Variants in CNTN4 observed in about 807,000 individuals in gnomAD.
CNTN4 encodes contactin 4.
A neutral mutation model predicts 122.5 loss-of-function variants in CNTN4; 77 were observed. The ratio of observed to expected loss-of-function variants is 0.63; its 90% confidence interval spans 0.52 to 0.76. CNTN4 has a LOEUF of 0.76. Ranked by LOEUF, CNTN4 falls within the 30% of genes least tolerant of loss-of-function variation. The probability of loss-of-function intolerance (pLI) is 0.00; values close to 1 mark genes in which losing one functional copy is unlikely to be tolerated. For synonymous variants in CNTN4, 512 were observed against 447.0 expected (o/e 1.15, Z -1.83); for missense variants, 1,256 against 1,259.1 (o/e 1.00, Z 0.04).
At chr3:2,692,253 T>C (rs2085780736) in intron 4 of CNTN4, among the ~76,000 whole-genome samples, 2 of 152,334 alleles carry the variant, frequency 1.3e-5, no homozygotes, top group African/African-American at 4.8e-5. Flanking sequence ...AAGAAGCAGC[T>C]TTGCTTCTAA....
At chr3:2,499,542 G>A (rs995272819) in intron 3 of CNTN4, among the ~76,000 whole-genome samples, 1 of 151,984 alleles carries the variant, frequency 6.6e-6, no homozygotes, top group Admixed American at 6.6e-5. Context: ...AAACTTGGGT[G>A]GATTTGTATT....
At chr3:2,832,834 A>G (rs2093132923) in intron 7 of CNTN4, among the ~76,000 whole-genome samples, 1 of 152,246 alleles carries the variant, frequency 6.6e-6, no homozygotes, top group African/African-American at 2.4e-5. Context: ...CGTGCAGTCA[A>G]TTTATAGAAA....
intron 2 of CNTN4, among the ~76,000 whole-genome samples, chr3:2,113,568 C>T (rs551813519): frequency 5.3e-5 from 8 of 152,146 alleles, no homozygotes; most frequent in Admixed American, 3.9e-4. Flanking sequence ...TTCCCTGCTA[C>T]GAAGCCTAAA....
chr3:2,598,177 T>C (rs2616591), intron 4 of CNTN4, among the ~76,000 whole-genome samples: 55,133 of 152,104 alleles, frequency 0.36, 10,441 homozygotes, highest in South Asian at 0.53. Context: ...GTATCAAACA[T>C]GATTGCTCTT....
intron 14 of CNTN4, among the ~76,000 whole-genome samples, chr3:3,003,394 C>CTA (rs1271900690): frequency 2.0e-5 from 3 of 151,978 alleles, no homozygotes; most frequent in Admixed American, 6.6e-5. Context: ...ATACAATGGA[C>CTA]TATTATTCAG....
rs138625814 is a variant in CNTN4, at chr3:2,269,897, AGTTTGTTTGTTT to A, written c.-144-69272_-144-69261del. Among the ~76,000 whole-genome samples the A allele has an allele frequency of 2.8e-3, 192 of 68,868 alleles. 60 individuals carry two copies. The Middle Eastern group carries it at 0.032, about 11-fold the overall frequency. 45.2% of individuals were successfully genotyped at this position (68,868 alleles called of 152,430 possible). A position where few individuals can be genotyped will look rare whatever the true frequency, so the allele number is the denominator to read the frequency against. ...CCCCCGCCCATCCCCTATTATAGCC[AGTTTGTTTGTTT>A]GTTTGTTTATTTATTTATTTATTTA... On this transcript the variant is annotated intron_variant, in intron 2 of 24. Transcript: ENST00000418658.
chr3:2,746,236 A>C (rs1030174079), intron 6 of CNTN4, among the ~76,000 whole-genome samples: 2 of 152,228 alleles, frequency 1.3e-5, no homozygotes, highest in Non-Finnish European at 2.9e-5. Flanking sequence ...TAATCCTACA[A>C]TTCTCTAATT....
chr3:2,855,466 A>C (rs1577065701), intron 7 of CNTN4, among the ~76,000 whole-genome samples: 2 of 152,244 alleles, frequency 1.3e-5, no homozygotes, highest in South Asian at 4.1e-4. Flanking sequence ...AAATGAGATA[A>C]TGGATATAAA....
At chr3:2,255,194 G>T (rs1462099000) in intron 2 of CNTN4, among the ~76,000 whole-genome samples, 2 of 152,164 alleles carry the variant, frequency 1.3e-5, no homozygotes, top group African/African-American at 4.8e-5. Context: ...TCAGCTGGGT[G>T]TAGATGTGTG....
intron 3 of CNTN4, among the ~76,000 whole-genome samples, chr3:2,402,432 G>C (rs1258031789): frequency 1.3e-5 from 2 of 151,986 alleles, no homozygotes; most frequent in Non-Finnish European, 1.5e-5. Flanking sequence ...ATTCATAGTA[G>C]TCGTACATAT....
At chr3:2,802,120 T>C (rs376247966) in intron 6 of CNTN4, among the ~76,000 whole-genome samples, 1 of 152,250 alleles carries the variant, frequency 6.6e-6, no homozygotes, top group East Asian at 1.9e-4. Flanking sequence ...TTCATAATCA[T>C]TTTTATGCCT....
At chr3:2,158,183 A>G (rs562055784) in intron 2 of CNTN4, among the ~76,000 whole-genome samples, 1 of 152,292 alleles carries the variant, frequency 6.6e-6, no homozygotes, top group Admixed American at 6.5e-5. Context: ...ATCAAAGTTT[A>G]TGTTCCAGAA....
intron 3 of CNTN4, among the ~76,000 whole-genome samples, chr3:2,340,417 A>G (rs1309107456): frequency 6.6e-6 from 1 of 151,822 alleles, no homozygotes; most frequent in African/African-American, 2.4e-5. Context: ...GTTTGATAAC[A>G]TTGGGTAAAA....
intron 4 of CNTN4, among the ~76,000 whole-genome samples, chr3:2,585,583 G>A (rs1018929855): frequency 8.6e-5 from 13 of 151,078 alleles, no homozygotes; most frequent in Non-Finnish European, 1.6e-4. Context: ...GCAAACTATC[G>A]CATGGACAAA....
intron 4 of CNTN4, among the ~76,000 whole-genome samples, chr3:2,653,354 G>A (rs182061107): frequency 1.3e-5 from 2 of 152,130 alleles, no homozygotes; most frequent in Non-Finnish European, 1.5e-5. Flanking sequence ...TCTACCAGTT[G>A]AGCAACTGGT....
rs769355015 is a variant in CNTN4 at position 2,757,015 on chromosome 3, T to TA, written c.358+11318_358+11319insA. Among the ~76,000 whole-genome samples the TA allele has an allele frequency of 1.3e-3, 205 of 152,224 alleles. 1 individual carries two copies. The highest frequency in any genetic ancestry group is 2.2e-3 in the Non-Finnish European group (151 of 68,008). ...TTTCCTGACCACTTTGATCAATTTT[T>TA]TAAAAAAATCTTTGAATGAGATCAA... On this transcript the variant is annotated intron_variant, in intron 6 of 24. Transcript: ENST00000418658.
intron 8 of CNTN4, among the ~76,000 whole-genome samples, chr3:2,874,977 T>A (rs2093826643): frequency 6.6e-6 from 1 of 151,902 alleles, no homozygotes; most frequent in South Asian, 2.1e-4. Flanking sequence ...TGCTTATCCG[T>A]TTGTTTTTGT....
intron 2 of CNTN4, among the ~76,000 whole-genome samples, chr3:2,226,267 A>G (rs114888377): frequency 0.018 from 2,712 of 152,268 alleles, 31 homozygotes; most frequent in Middle Eastern, 0.041. Context: ...TGCCTCGTCT[A>G]CATTTTGACA....
Position 2,332,687 on chromosome 3 carries a change from C to T in CNTN4, c.-144-6491C>T, listed in dbSNP as rs1444272801. Among the ~76,000 whole-genome samples the T allele has an allele frequency of 3.0e-5, 4 of 134,200 alleles. 1 individual carries two copies. Among genetic ancestry groups the T allele is most frequent in the Admixed American group, 1.8e-4 (2 of 11,092 alleles). The allele number at this position is 134,200 out of a possible 152,430, so 88.0% of individuals were successfully genotyped here. ...ATTGAACAATGAGAACACATGGACA[C>T]AGGAAGGGTAACATCACACTCTGGG... On this transcript the variant is annotated intron_variant, in intron 2 of 24. Coordinates refer to ENST00000418658, the MANE Select transcript of CNTN4 (RefSeq NM_175607.3).
Sources: gnomAD v4.1 joint callset for allele counts (sites outside exome capture counted in the v4.1 genomes callset) on GRCh38, gnomAD v4.1.1 for gene constraint, MANE v1.5 for transcripts, NCBI Gene and HGNC (gene_info 2026-07-23, HGNC 2026-07-21) for gene names.